Variants in PRKAG2 observed in about 807,000 individuals in gnomAD.
The protein encoded by PRKAG2 is protein kinase AMP-activated non-catalytic subunit gamma 2, also known as 5'-AMP-activated protein kinase subunit gamma-2.
PRKAG2 carries 26 observed loss-of-function variants against 69.6 expected under a neutral mutation model. That is an observed-to-expected ratio of 0.37 (90% CI 0.27 to 0.52). PRKAG2 has a LOEUF of 0.52. PRKAG2 is among the 20% of genes least tolerant of loss of function. The probability of loss-of-function intolerance (pLI) is 0.90; values close to 1 mark genes in which losing one functional copy is unlikely to be tolerated. For synonymous variants in PRKAG2, 293 were observed against 285.0 expected (o/e 1.03, Z -0.28); for missense variants, 557 against 740.0 (o/e 0.75, Z 2.87).
intron 1 of PRKAG2, among the ~76,000 whole-genome samples, chr7:151,862,977 C>A (rs959559457): frequency 4.8e-5 from 7 of 146,596 alleles, no homozygotes; most frequent in African/African-American, 1.8e-4. Context: ...GTGCAGGGGG[C>A]ACTGGTAGGT....
rs1052971072 is a variant in PRKAG2, at chr7:151,850,493, G to A, written c.114+26014C>T. Among the ~76,000 whole-genome samples the A allele has an allele frequency of 6.6e-6, 1 of 152,216 alleles. No individual in the cohort carries two copies. The highest frequency in any genetic ancestry group is 2.4e-5 in the African/African-American group (1 of 41,468). Reference sequence around the variant, plus strand: ...TGGTGGGCAGCCCTGCCATTGTGGAGGTGGGCAAACCGAGGTTCAGAGATG... The same window carrying A: ...TGGTGGGCAGCCCTGCCATTGTGGAAGTGGGCAAACCGAGGTTCAGAGATG... On this transcript the variant is annotated intron_variant, in intron 1 of 15. Transcript: ENST00000287878. This position sits in a 1 kb window ranked among gnomAD's most constrained non-coding sequence, Gnocchi z 4.1.
At chr7:151,832,183 T>G (rs2079040156) in intron 1 of PRKAG2, among the ~76,000 whole-genome samples, 1 of 137,534 alleles carries the variant, frequency 7.3e-6, no homozygotes, top group African/African-American at 2.8e-5. Flanking sequence ...CCCAATAGGG[T>G]GGACACTAGT....
intron 3 of PRKAG2, among the ~76,000 whole-genome samples, chr7:151,758,968 C>T (rs2075259214): frequency 6.6e-6 from 1 of 152,168 alleles, no homozygotes; most frequent in Non-Finnish European, 1.5e-5. Flanking sequence ...CTGCTCACCC[C>T]AGCCCTGTCT....
intron 8 of PRKAG2, 89 bp downstream of exon 8, chr7:151,574,802 T>C: frequency 1.3e-6 from 2 of 1,565,376 alleles, no homozygotes; most frequent in Non-Finnish European, 1.7e-6. Context: ...ACTGAAAACA[T>C]TAAAAATCTT....
intron 5 of PRKAG2, among the ~76,000 whole-genome samples, chr7:151,605,944 A>T (rs1817466080): frequency 6.6e-6 from 1 of 151,940 alleles, no homozygotes; most frequent in African/African-American, 2.4e-5. Flanking sequence ...CTCAAAAAAA[A>T]AAAAAAAAAA....
chr7:151,737,644 C>T (rs1343603635), intron 3 of PRKAG2, among the ~76,000 whole-genome samples: 2 of 152,168 alleles, frequency 1.3e-5, no homozygotes, highest in Non-Finnish European at 2.9e-5. Context: ...GAGCCCAGGC[C>T]TCCTCAGGAA....
intron 1 of PRKAG2, among the ~76,000 whole-genome samples, chr7:151,808,898 C>T (rs1466678188): frequency 3.9e-5 from 6 of 152,146 alleles, no homozygotes; most frequent in African/African-American, 1.2e-4. Flanking sequence ...ATCCTAACGC[C>T]GCAGTGGGGC....
chr7:151,750,958 A>G (rs1449779819), intron 3 of PRKAG2, among the ~76,000 whole-genome samples: 2 of 152,244 alleles, frequency 1.3e-5, no homozygotes, highest in East Asian at 3.8e-4. Context: ...ACCTACAAAT[A>G]CTAAAGGAAA....
intron 4 of PRKAG2, among the ~76,000 whole-genome samples, chr7:151,642,029 A>T (rs1475486106): frequency 2.1e-5 from 2 of 93,862 alleles, no homozygotes; most frequent in African/African-American, 9.6e-5. Context: ...CCCCATCTTT[A>T]AAAAAAAAAA....
At chr7:151,636,767 C>T (rs58343831) in intron 4 of PRKAG2, among the ~76,000 whole-genome samples, 18,763 of 152,062 alleles carry the variant, frequency 0.12, 1,335 homozygotes, top group African/African-American at 0.16. Flanking sequence ...TGCAGTAGCG[C>T]GATTTCAGCT....
chr7:151,637,132 C>T (rs559046020), intron 4 of PRKAG2, among the ~76,000 whole-genome samples: 29 of 152,254 alleles, frequency 1.9e-4, no homozygotes, highest in Admixed American at 1.7e-3. Flanking sequence ...AAGATGTTAC[C>T]ACTGCGGGGA....
intron 5 of PRKAG2, among the ~76,000 whole-genome samples, chr7:151,624,589 G>A (rs1337405815): frequency 6.6e-6 from 1 of 152,174 alleles, no homozygotes; most frequent in Non-Finnish European, 1.5e-5. Flanking sequence ...CTTAGCACAA[G>A]TGTAATCACG....
At chr7:151,723,175 C>T (rs1797389714) in intron 3 of PRKAG2, among the ~76,000 whole-genome samples, 1 of 152,170 alleles carries the variant, frequency 6.6e-6, no homozygotes, top group Non-Finnish European at 1.5e-5. Flanking sequence ...CCTCCAATAC[C>T]CTTTCCCTAA....
chr7:151,814,904 G>A lies in PRKAG2; in HGVS notation c.115-28363C>T. The A allele has an allele frequency of 8.1e-7, 1 of 1,227,760 alleles. No individual in the cohort carries two copies. The highest frequency in any genetic ancestry group is 1.0e-6 in the Non-Finnish European group (1 of 984,582). The allele number at this position is 1,227,760 out of a possible 1,614,324, so 76.1% of individuals were successfully genotyped here. On this transcript the variant is annotated intron_variant, in intron 1 of 15. Transcript: ENST00000287878. This position sits in a 1 kb window ranked among gnomAD's most constrained non-coding sequence, Gnocchi z 4.8. ...ACACAGCAAGCCAGCAGGAGGGAGG[G>A]CTGGACCGGAGCTTTTAAAAAGACA...
At chr7:151,809,047 G>A (rs762380263) in intron 1 of PRKAG2, among the ~76,000 whole-genome samples, 5 of 152,172 alleles carry the variant, frequency 3.3e-5, no homozygotes, top group African/African-American at 9.6e-5. Flanking sequence ...CAGTGAGCAC[G>A]TCTCAGGGCT....
intron 3 of PRKAG2, among the ~76,000 whole-genome samples, chr7:151,716,038 T>C (rs6464165): frequency 0.26 from 39,377 of 152,042 alleles, 5,487 homozygotes; most frequent in African/African-American, 0.29. Flanking sequence ...GGGATGGAGC[T>C]CGATTGCCCT....
At chr7:151,716,861 C>A (rs572507019) in intron 3 of PRKAG2, among the ~76,000 whole-genome samples, 1 of 152,310 alleles carries the variant, frequency 6.6e-6, no homozygotes, top group East Asian at 1.9e-4. Flanking sequence ...ACACCCCGCA[C>A]CTTCAGCTTC....
intron 1 of PRKAG2, among the ~76,000 whole-genome samples, chr7:151,841,840 G>C (rs927331157): frequency 6.7e-6 from 1 of 148,606 alleles, no homozygotes; most frequent in Non-Finnish European, 1.5e-5. Context: ...AGTGATGGTA[G>C]GTAGTGATGG....
intron 1 of PRKAG2, among the ~76,000 whole-genome samples, chr7:151,791,539 C>T (rs565499742): frequency 9.4e-4 from 143 of 152,324 alleles, no homozygotes; most frequent in Non-Finnish European, 1.7e-3. Flanking sequence ...CCCTGATTTC[C>T]GCCAAGAGAC....
Sources: gnomAD v4.1 joint callset for allele counts (sites outside exome capture counted in the v4.1 genomes callset) on GRCh38, gnomAD v4.1.1 for gene constraint, Gnocchi (gnomAD v3.1) non-coding constraint, MANE v1.5 for transcripts, NCBI Gene and HGNC (gene_info 2026-07-23, HGNC 2026-07-21) for gene names.